The following GRID2 variants were observed in gnomAD, a reference collection of about 807,000 sequenced individuals.
GRID2 encodes the protein glutamate ionotropic receptor delta type subunit 2.
A neutral mutation model predicts 114.8 loss-of-function variants in GRID2; 33 were observed. The ratio of observed to expected loss-of-function variants is 0.29; its 90% CI spans 0.22 to 0.38. The LOEUF (loss-of-function observed/expected upper bound fraction) is 0.38, where lower values mean the gene tolerates loss of function less well. Ranked by LOEUF, GRID2 falls within the 10% of genes least tolerant of loss-of-function variation. The pLI is 1.00. For synonymous variants in GRID2, 505 were observed against 449.9 expected (o/e 1.12, Z -1.55); for missense variants, 1,184 against 1,257.7 (o/e 0.94, Z 0.89).
At chr4:93,672,179 C>T (rs963636334) in intron 14 of GRID2, among the ~76,000 whole-genome samples, 4 of 152,116 alleles carry the variant, frequency 2.6e-5, no homozygotes, top group Admixed American at 1.3e-4. Flanking sequence ...TAGATCATTC[C>T]CCAGGTGTCC....
chr4:93,763,060 T>A (rs1245889959), intron 14 of GRID2, among the ~76,000 whole-genome samples: 2 of 152,056 alleles, frequency 1.3e-5, no homozygotes, highest in Non-Finnish European at 2.9e-5. Flanking sequence ...TTAGCAGCAG[T>A]CACCTATTAA....
chr4:92,639,740 T>G (rs1731252112), intron 2 of GRID2, among the ~76,000 whole-genome samples: 1 of 151,728 alleles, frequency 6.6e-6, no homozygotes, highest in Non-Finnish European at 1.5e-5. Context: ...TTCACCACTA[T>G]GTAATGTAAC....
intron 1 of GRID2, among the ~76,000 whole-genome samples, chr4:92,371,517 C>T (rs1729115161): frequency 6.6e-6 from 1 of 152,068 alleles, no homozygotes; most frequent in African/African-American, 2.4e-5. Flanking sequence ...ATAAATGGAA[C>T]AACAAAACCT....
intron 4 of GRID2, among the ~76,000 whole-genome samples, chr4:93,140,453 C>T (rs1356431545): frequency 1.3e-5 from 2 of 152,102 alleles, no homozygotes; most frequent in South Asian, 2.1e-4. Flanking sequence ...CCACCGCGCC[C>T]GGCTGGAATC....
downstream of GRID2, among the ~76,000 whole-genome samples, chr4:93,776,889 C>G (rs1734381228): frequency 6.6e-6 from 1 of 152,166 alleles, no homozygotes; most frequent in African/African-American, 2.4e-5. Flanking sequence ...TAATGTAGAC[C>G]ATAACAACTC....
At chr4:92,692,137 A>C (rs1734211612) in intron 2 of GRID2, among the ~76,000 whole-genome samples, 1 of 152,152 alleles carries the variant, frequency 6.6e-6, no homozygotes, top group Non-Finnish European at 1.5e-5. Context: ...ATTGAAATTA[A>C]GATTCCTGTT....
At chr4:92,997,276 T>A (rs759813250) in intron 2 of GRID2, among the ~76,000 whole-genome samples, 45 of 152,102 alleles carry the variant, frequency 3.0e-4, no homozygotes, top group Non-Finnish European at 6.5e-4. Flanking sequence ...TGTCTACTCA[T>A]AATGTGTGAG....
chr4:93,116,261 A>T (rs1733243176), intron 4 of GRID2, among the ~76,000 whole-genome samples: 1 of 152,132 alleles, frequency 6.6e-6, no homozygotes, highest in Admixed American at 6.6e-5. Context: ...CTCAGCTTCC[A>T]TGTCCCACAG....
At chr4:93,415,402 C>T (rs1767606420) in intron 9 of GRID2, among the ~76,000 whole-genome samples, 1 of 151,966 alleles carries the variant, frequency 6.6e-6, no homozygotes, top group African/African-American at 2.4e-5. Context: ...AAAACTTGGA[C>T]CAAACAAGCA....
chr4:93,778,340 CTAAAAT>C (rs1362235123), downstream of GRID2, among the ~76,000 whole-genome samples: 1 of 149,240 alleles, frequency 6.7e-6, no homozygotes, highest in African/African-American at 2.5e-5. Context: ...TAAAAGCACA[CTAAAAT>C]TAAGCTGAAA....
rs192127074 is a variant in GRID2, at chr4:92,313,721, C to A, written c.88+8977C>A. On this transcript the variant is annotated intron_variant, in intron 1 of 15. Transcript: ENST00000282020. ...ATTCTAGAAGGAGAAGTGAGAAACC[C>A]TGTTGAATTGTATGTATGCAAATGG... Among the ~76,000 whole-genome samples, 450 of 152,090 alleles carry A rather than the reference C, an allele frequency of 3.0e-3. 1 individual carries two copies. Among genetic ancestry groups the A allele is most frequent in the Non-Finnish European group, 5.1e-3 (345 of 67,968 alleles).
rs566943388 is a variant in GRID2, at chr4:93,012,201, T to C, written c.245-72794T>C. On this transcript the variant is annotated intron_variant, in intron 2 of 15. Coordinates refer to ENST00000282020, the MANE Select transcript of GRID2 (RefSeq NM_001510.4). ...CATTATTCTTCCAATTTTTTCATTC[T>C]AGATGAAGGTAAACCAATTGGAACA... 4.6e-5 allele frequency among the ~76,000 whole-genome samples: 7 copies of C among 152,166 alleles called. No homozygotes were observed. The South Asian group carries it at 1.4e-3, about 32-fold the overall frequency.
At chr4:93,613,718 T>C (rs1322361535) in intron 13 of GRID2, among the ~76,000 whole-genome samples, 8 of 147,476 alleles carry the variant, frequency 5.4e-5, no homozygotes, top group African/African-American at 2.0e-4. Context: ...TCTTCAAAGC[T>C]GTCAGACAGG....
chr4:93,443,075 C>T (rs1415985745), intron 10 of GRID2, among the ~76,000 whole-genome samples: 1 of 152,102 alleles, frequency 6.6e-6, no homozygotes, highest in Non-Finnish European at 1.5e-5. Context: ...TCGAAAGCCA[C>T]TATTTTTCTC....
At chr4:93,060,202 G>A (rs1244380789) in intron 2 of GRID2, among the ~76,000 whole-genome samples, 2 of 152,140 alleles carry the variant, frequency 1.3e-5, no homozygotes, top group Middle Eastern at 3.2e-3. Flanking sequence ...GTTAGCAGCA[G>A]CCTCTATCCT....
At chr4:92,734,766 T>C (rs1292185795) in intron 2 of GRID2, among the ~76,000 whole-genome samples, 1 of 151,698 alleles carries the variant, frequency 6.6e-6, no homozygotes, top group Non-Finnish European at 1.5e-5. Flanking sequence ...TATTTCTTTT[T>C]TTTAGTTTTT....
intron 2 of GRID2, among the ~76,000 whole-genome samples, chr4:92,758,124 A>G (rs941253667): frequency 1.3e-5 from 2 of 152,088 alleles, no homozygotes; most frequent in African/African-American, 2.4e-5. Context: ...ATGGAGGTAG[A>G]TTGGTAGATC....
At chr4:92,533,335 T>A (rs1214458364) in intron 1 of GRID2, among the ~76,000 whole-genome samples, 1 of 152,018 alleles carries the variant, frequency 6.6e-6, no homozygotes, top group Non-Finnish European at 1.5e-5. Context: ...AAAGCTTTCA[T>A]CTTTCTTAGC....
rs1012072809 is a variant in GRID2 at position 93,536,852 on chromosome 4, G to C, written c.2193+21441G>C. Among the ~76,000 whole-genome samples, 4 of 151,676 alleles carry C rather than the reference G, an allele frequency of 2.6e-5. No homozygotes were observed. The East Asian group carries it at 5.8e-4, about 22-fold the overall frequency. On this transcript the variant is annotated intron_variant, in intron 13 of 15. Coordinates refer to ENST00000282020, the MANE Select transcript of GRID2 (RefSeq NM_001510.4). ...ATAATTCAGTCATGCAAAGTTTTTTGATAAAATTTTGACAGAAATGTGTTC... is the reference window on the plus strand; with the variant it reads ...ATAATTCAGTCATGCAAAGTTTTTTCATAAAATTTTGACAGAAATGTGTTC...
Sources: allele counts gnomAD v4.1 joint callset (sites outside exome capture counted in the v4.1 genomes callset), GRCh38; gene constraint gnomAD v4.1.1; transcripts MANE v1.5; gene names NCBI Gene and HGNC (gene_info 2026-07-23, HGNC 2026-07-21).